Variants in IGF2BP3 observed in about 807,000 individuals in gnomAD.
IGF2BP3 encodes the protein insulin like growth factor 2 mRNA binding protein 3.
Under a neutral mutation model 73.8 loss-of-function variants are expected in IGF2BP3, and 9 were observed. The ratio of observed to expected loss-of-function variants is 0.12; its 90% confidence interval spans 0.07 to 0.21. IGF2BP3 has a LOEUF of 0.21. Ranked by LOEUF, IGF2BP3 falls within the 10% of genes least tolerant of loss-of-function variation. IGF2BP3 has a pLI of 1.00. For synonymous variants in IGF2BP3, 258 were observed against 256.7 expected, an observed-to-expected ratio of 1.01 and a Z score of -0.05; for missense variants, 542 against 714.0, an observed-to-expected ratio of 0.76 and a Z score of 2.75.
rs527963040 is a variant in IGF2BP3, at chr7:23,421,215, G to A, written c.237-2391C>T. The stretch of plus-strand genomic sequence containing the variant: ...AGTAGAGACGGGGTTTCACCATGTC[G>A]ACCAGGCTGGTCTCAAACTCCTGAC... On this transcript the variant is annotated intron_variant, in intron 2 of 14. Transcript: ENST00000258729. Among the ~76,000 whole-genome samples, 16 of 151,990 alleles carry A rather than the reference G, an allele frequency of 1.1e-4. No individual in the cohort carries two copies. The South Asian group carries it at 1.7e-3, about 16-fold the overall frequency.
At chr7:23,338,011 G>A (rs531382185) in intron 10 of IGF2BP3, among the ~76,000 whole-genome samples, 28 of 152,034 alleles carry the variant, frequency 1.8e-4, no homozygotes, top group South Asian at 4.1e-4. Context: ...AAAGGAAAAC[G>A]AATTTAAGCC....
chr7:23,446,198 A>T, intron 2 of IGF2BP3, among the ~76,000 whole-genome samples: 1 of 152,240 alleles, frequency 6.6e-6, no homozygotes, highest in East Asian at 1.9e-4. Context: ...TCTATGCAAT[A>T]AGATTCCATG....
In IGF2BP3 at chr7:23,313,604, G is replaced by C. The variant is rs369702590; in HGVS notation, c.1445C>G (p.Pro482Arg). Residue 482 changes from proline (P) to arginine (R), a missense_variant, in exon 13 of 15, where the codon CCT becomes CGT. Physicochemically the swap from Pro to Arg is moderately radical, Grantham distance 103 (BLOSUM62 -2). Around this residue, in one of 2 missense-constraint regions of IGF2BP3, gnomAD observed 303 missense variants for 472.1 expected, o/e 0.64. Coordinates refer to ENST00000258729, the MANE Select transcript of IGF2BP3 (RefSeq NM_006547.3). Reference sequence around the variant, plus strand: ...AGCTTCAAGTTTCACCTCTTCTTTAGGACTAACAAAGTTTTCTTCTTTAAT... The same window carrying C: ...AGCTTCAAGTTTCACCTCTTCTTTACGACTAACAAAGTTTTCTTCTTTAAT... ...GKIKEENFVS[P>R]KEEVKLEAHI... 1.2e-6 allele frequency: 2 copies of C among 1,613,740 alleles called. No individual in the cohort carries two copies. Among genetic ancestry groups the C allele is most frequent in the African/African-American group, 2.7e-5 (2 of 74,904 alleles).
chr7:23,330,588 G>T (rs2128497152), intron 10 of IGF2BP3, among the ~76,000 whole-genome samples: 1 of 152,000 alleles, frequency 6.6e-6, no homozygotes, highest in East Asian at 1.9e-4. Context: ...TTTTTATTTT[G>T]AAAAATAGGG....
intron 3 of IGF2BP3, among the ~76,000 whole-genome samples, chr7:23,384,258 A>G (rs1786010830): frequency 6.6e-6 from 1 of 152,120 alleles, no homozygotes; most frequent in Non-Finnish European, 1.5e-5. Flanking sequence ...TAGAAAGATT[A>G]GCAGATGCTT....
intron 3 of IGF2BP3, among the ~76,000 whole-genome samples, chr7:23,382,121 C>T (rs906845244): frequency 6.6e-6 from 1 of 152,120 alleles, no homozygotes; most frequent in East Asian, 1.9e-4. Context: ...TGACACACCC[C>T]TGTGGTCCCA....
At chr7:23,383,992 A>G (rs1319676049) in intron 3 of IGF2BP3, among the ~76,000 whole-genome samples, 1 of 147,108 alleles carries the variant, frequency 6.8e-6, no homozygotes, top group Admixed American at 6.9e-5. Context: ...GCTACTCGGG[A>G]GGCTGAGGCA....
At chr7:23,412,077 G>A (rs1454353465) in intron 3 of IGF2BP3, among the ~76,000 whole-genome samples, 1 of 146,202 alleles carries the variant, frequency 6.8e-6, no homozygotes, top group Non-Finnish European at 1.5e-5. Context: ...CTGCATCCTA[G>A]GCTCAAGCAA....
At chr7:23,407,679 C>T (rs1004500205) in intron 3 of IGF2BP3, among the ~76,000 whole-genome samples, 6 of 150,286 alleles carry the variant, frequency 4.0e-5, no homozygotes, top group Non-Finnish European at 5.9e-5. Context: ...CTATCAAATA[C>T]TTAAAGAAAT....
At chr7:23,405,545 G>A (rs1024174542) in intron 3 of IGF2BP3, among the ~76,000 whole-genome samples, 13 of 152,208 alleles carry the variant, frequency 8.5e-5, no homozygotes, top group Non-Finnish European at 1.5e-4. Context: ...GAACCGGGCC[G>A]CACAGCAGAA....
intron 2 of IGF2BP3, among the ~76,000 whole-genome samples, chr7:23,464,571 C>T (rs1280521186): frequency 1.3e-5 from 2 of 152,020 alleles, no homozygotes; most frequent in Admixed American, 6.6e-5. Flanking sequence ...GTAATCCCAG[C>T]TACTAGGAGG....
intron 10 of IGF2BP3, among the ~76,000 whole-genome samples, chr7:23,320,961 A>G (rs1344829888): frequency 6.7e-6 from 1 of 150,130 alleles, no homozygotes; most frequent in South Asian, 2.1e-4. Flanking sequence ...AAAAAAAAAA[A>G]AAAAAAAAGA....
At chr7:23,377,496 T>A (rs1030231421) in intron 3 of IGF2BP3, among the ~76,000 whole-genome samples, 1 of 152,176 alleles carries the variant, frequency 6.6e-6, no homozygotes, top group Non-Finnish European at 1.5e-5. Flanking sequence ...GCAAAGGATA[T>A]AGGGAAACTG....
chr7:23,363,298 G>A (rs1036411536), intron 3 of IGF2BP3, among the ~76,000 whole-genome samples: 2 of 152,130 alleles, frequency 1.3e-5, no homozygotes, highest in Non-Finnish European at 2.9e-5. Flanking sequence ...CTATGCTGGA[G>A]TGCAGTGGCA....
chr7:23,313,631 T>C lies in IGF2BP3; in HGVS notation c.1418A>G (p.Lys473Arg). ...ACTAACAAAGTTTTCTTCTTTAATT[T>C]TTCCATAAATTCTTCCCTGAGCCTG... ...QFKAQGRIYG[K>R]IKEENFVSPK... Residue 473 changes from lysine (K) to arginine (R), a missense_variant, in exon 13 of 15, where the codon AAA becomes AGA. By Grantham distance (26) the Lys-to-Arg change is conservative. Coordinates refer to ENST00000258729, the MANE Select transcript of IGF2BP3 (RefSeq NM_006547.3). The C allele has an allele frequency of 1.2e-6, 2 of 1,613,882 alleles. No homozygotes were observed. Among genetic ancestry groups the C allele is most frequent in the Non-Finnish European group, 1.7e-6 (2 of 1,179,978 alleles).
intron 3 of IGF2BP3, among the ~76,000 whole-genome samples, chr7:23,387,521 T>C (rs986763021): frequency 1.5e-5 from 2 of 136,230 alleles, no homozygotes; most frequent in Non-Finnish European, 3.0e-5. Flanking sequence ...TTGTGACAAA[T>C]GTGCCATACT....
chr7:23,404,614 A>G (rs1786770586), intron 3 of IGF2BP3, among the ~76,000 whole-genome samples: 1 of 152,226 alleles, frequency 6.6e-6, no homozygotes, highest in Non-Finnish European at 1.5e-5. Context: ...AATATATACA[A>G]TAGACATCTA....
At chr7:23,436,129 A>C (rs1425885637) in intron 2 of IGF2BP3, among the ~76,000 whole-genome samples, 4 of 152,230 alleles carry the variant, frequency 2.6e-5, no homozygotes, top group Non-Finnish European at 4.4e-5. Flanking sequence ...TAAGTAAAAC[A>C]AACTTAAGAC....
At chr7:23,419,597 A>G (rs1787286771) in intron 2 of IGF2BP3, among the ~76,000 whole-genome samples, 1 of 152,204 alleles carries the variant, frequency 6.6e-6, no homozygotes, top group Non-Finnish European at 1.5e-5. Flanking sequence ...CAGGCCTATA[A>G]TCCCAACACT....
Sources: gnomAD v4.1 joint callset for allele counts (sites outside exome capture counted in the v4.1 genomes callset) on GRCh38, gnomAD v4.1.1 for gene constraint, gnomAD v4.1.1 regional missense constraint, MANE v1.5 for transcripts, NCBI Gene and HGNC (gene_info 2026-07-23, HGNC 2026-07-21) for gene names.